The following FLNB variants were observed in gnomAD, a reference collection of about 807,000 sequenced individuals.
The protein encoded by FLNB is filamin-B.
In FLNB, 111 loss-of-function variants were observed where a neutral mutation model predicts 250.6. The ratio of observed to expected loss-of-function variants is 0.44; its 90% CI spans 0.38 to 0.52. The LOEUF (loss-of-function observed/expected upper bound fraction) is 0.52. FLNB is among the 20% of genes least tolerant of loss of function. The pLI, the probability that FLNB is intolerant of heterozygous loss-of-function variation, is 0.00. For missense variants in FLNB, 2,869 were observed against 3,447.8 expected, an observed-to-expected ratio of 0.83 and a Z score of 4.20; for synonymous variants, 1,302 against 1,372.1, an observed-to-expected ratio of 0.95 and a Z score of 1.13.
At chr3:58,067,394 T>C (rs921745672) in intron 1 of FLNB, among the ~76,000 whole-genome samples, 7 of 152,264 alleles carry the variant, frequency 4.6e-5, no homozygotes, top group Middle Eastern at 3.4e-3. Flanking sequence ...TTGTGATCTT[T>C]GAGTAGTTCA....
At chr3:58,011,899 G>A (rs115861088) in intron 1 of FLNB, among the ~76,000 whole-genome samples, 2,500 of 152,270 alleles carry the variant, frequency 0.016, 83 homozygotes, top group African/African-American at 0.057. Context: ...ATAAGGTGCT[G>A]TCTAATAATT....
At chr3:58,048,353 A>T (rs1340213963) in intron 1 of FLNB, among the ~76,000 whole-genome samples, 1 of 152,212 alleles carries the variant, frequency 6.6e-6, no homozygotes, top group Non-Finnish European at 1.5e-5. Flanking sequence ...TCTGGAGAAC[A>T]GGGTGGAGCC....
rs1006211627 is a variant in FLNB at position 58,076,245 on chromosome 3, A to G, written c.293-801A>G. Among the ~76,000 whole-genome samples the G allele has an allele frequency of 3.3e-5, 5 of 152,334 alleles. No homozygotes were observed. In the East Asian group the frequency reaches 9.6e-4, roughly 29 times the overall value. ...ACAGAAACAAACTTTTTATAGGGAA[A>G]AGATATCTAGGACATAATGATTAAT... On this transcript the variant is annotated intron_variant, in intron 1 of 45. Transcript: ENST00000295956.
At chr3:58,105,888 A>C (rs1038499788) in intron 11 of FLNB, among the ~76,000 whole-genome samples, 1 of 152,232 alleles carries the variant, frequency 6.6e-6, no homozygotes, top group Non-Finnish European at 1.5e-5. Flanking sequence ...AAAAATAAGA[A>C]ATCACATTTA....
At chr3:58,072,761 G>A (rs962749167) in intron 1 of FLNB, among the ~76,000 whole-genome samples, 11 of 152,200 alleles carry the variant, frequency 7.2e-5, no homozygotes, top group South Asian at 6.2e-4. Flanking sequence ...GGGCTTTCCC[G>A]TGTGGACACC....
At chr3:58,103,832 C>T in intron 9 of FLNB, 127 bp from the exon 10 acceptor site, 2 of 1,099,424 alleles carry the variant, frequency 1.8e-6, no homozygotes, top group Non-Finnish European at 1.4e-6. Context: ...TACTCTGGGG[C>T]AGCCCACTTG....
Position 58,146,809 on chromosome 3 carries a change from C to G in FLNB, c.5555-11C>G. The G allele has an allele frequency of 6.2e-7, 1 of 1,614,094 alleles. No individual in the cohort carries two copies. The highest frequency in any genetic ancestry group is 8.5e-7 in the Non-Finnish European group (1 of 1,179,946). On this transcript the variant is annotated splice_polypyrimidine_tract_variant and intron_variant, in intron 33 of 45. Coordinates refer to ENST00000295956, the MANE Select transcript of FLNB (RefSeq NM_001457.4). ...TCCCTAACACCCCTGCATCCCTGTT[C>G]CCACTTGTAGGTGGTCTGGACTTGG...
At chr3:58,097,125 A>G (rs2097240291) in intron 6 of FLNB, among the ~76,000 whole-genome samples, 1 of 152,174 alleles carries the variant, frequency 6.6e-6, no homozygotes, top group Non-Finnish European at 1.5e-5. Flanking sequence ...GGCCAATCCC[A>G]TCATGTACCT....
chr3:58,008,430 A>C lies in FLNB; in HGVS notation c.-135A>C. 4 of 1,081,842 alleles carry C rather than the reference A, an allele frequency of 3.7e-6. No homozygotes were observed. Among genetic ancestry groups the C allele is most frequent in the Non-Finnish European group, 5.4e-6 (4 of 741,902 alleles). 67.0% of individuals were successfully genotyped at this position (1,081,842 alleles called of 1,614,324 possible). A position where few individuals can be genotyped will look rare whatever the true frequency, so the allele number is the denominator to read the frequency against. Reference sequence around the variant, plus strand: ...CAGGGGCGGGCGGCCGCAGAGCAGCACCGGCCGTGGCTCCGGTAGCAGCAA... The same window carrying C: ...CAGGGGCGGGCGGCCGCAGAGCAGCCCCGGCCGTGGCTCCGGTAGCAGCAA... On this transcript the variant is annotated 5_prime_UTR_variant, in exon 1 of 46. Coordinates refer to ENST00000295956, the MANE Select transcript of FLNB (RefSeq NM_001457.4).
chr3:58,109,803 A>AT, intron 15 of FLNB, 104 bp downstream of exon 15: 1 of 1,503,460 alleles, frequency 6.7e-7, no homozygotes, highest in Non-Finnish European at 9.2e-7. Context: ...GTCCATCTGA[A>AT]TAGGTAATCA....
At chr3:58,071,498 C>T (rs1392879252) in intron 1 of FLNB, among the ~76,000 whole-genome samples, 2 of 151,838 alleles carry the variant, frequency 1.3e-5, no homozygotes, top group Non-Finnish European at 1.5e-5. Context: ...AGGCTGGCCT[C>T]GAACTCCTGA....
At chr3:58,150,048 G>T (rs1487072227) in intron 37 of FLNB, 46 bp downstream of exon 37, 14 of 1,614,280 alleles carry the variant, frequency 8.7e-6, no homozygotes, top group Non-Finnish European at 1.1e-5. Context: ...TGGGTTTTCT[G>T]TAAATGCTGT....
In FLNB at chr3:58,153,496, C is replaced by A; in HGVS notation, c.6489C>A (p.Gly2163=). 6.2e-7 allele frequency: 1 copy of A among 1,614,224 alleles called. No individual in the cohort carries two copies. The highest frequency in any genetic ancestry group is 8.5e-7 in the Non-Finnish European group (1 of 1,180,052). The change falls in exon 39 of 46, where the codon GGC becomes GGA. Residue 2163 remains glycine (G), a synonymous_variant. Transcript: ENST00000295956. ...HCVRFVPQEM[G]VHTVSVKYRG... Reference sequence around the variant, plus strand: ...TCCGGTTTGTGCCCCAGGAGATGGGCGTGCACACGGTCAGCGTCAAGTACC... The same window carrying A: ...TCCGGTTTGTGCCCCAGGAGATGGGAGTGCACACGGTCAGCGTCAAGTACC...
chr3:58,068,575 T>C (rs2097189380), intron 1 of FLNB, among the ~76,000 whole-genome samples: 1 of 152,124 alleles, frequency 6.6e-6, no homozygotes, highest in Non-Finnish European at 1.5e-5. Flanking sequence ...TGGTTCAGAA[T>C]GCCCTTTTGT....
At position 58,130,616 on chromosome 3, in the gene FLNB, GC is replaced by G. The variant is rs1206092916; in HGVS notation, c.4223-124del. ...GCACATGAGCAGTGCACACAGTGAG[GC>G]AGGGGGAGCTGACCGAGGCCTGCAT... On this transcript the variant is annotated intron_variant, in intron 24 of 45. Coordinates refer to ENST00000295956, the MANE Select transcript of FLNB (RefSeq NM_001457.4). 2.7e-5 allele frequency: 23 copies of G among 847,386 alleles called. No homozygotes were observed. In the African/African-American group the frequency reaches 3.7e-4, roughly 14 times the overall value. The allele number at this position is 847,386 out of a possible 1,614,324, so 52.5% of individuals were successfully genotyped here. A position where few individuals can be genotyped will look rare whatever the true frequency, so the allele number is the denominator to read the frequency against.
intron 1 of FLNB, among the ~76,000 whole-genome samples, chr3:58,043,152 T>G (rs925157470): frequency 6.8e-6 from 1 of 148,032 alleles, no homozygotes; most frequent in Non-Finnish European, 1.5e-5. Flanking sequence ...TTTTTTTTTT[T>G]TTTTTTTTTT....
At chr3:58,063,017 C>T (rs2097180699) in intron 1 of FLNB, among the ~76,000 whole-genome samples, 2 of 152,280 alleles carry the variant, frequency 1.3e-5, no homozygotes, top group East Asian at 1.9e-4. Context: ...ATCGTATCAC[C>T]GCAGCCTGAT....
chr3:58,063,449 G>A (rs75895354), intron 1 of FLNB, among the ~76,000 whole-genome samples: 4,592 of 152,228 alleles, frequency 0.03, 188 homozygotes, highest in African/African-American at 0.095. Flanking sequence ...CCAGATTTGG[G>A]GATATAAAGT....
At chr3:58,041,152 TC>T (rs1332264567) in intron 1 of FLNB, among the ~76,000 whole-genome samples, 1 of 152,166 alleles carries the variant, frequency 6.6e-6, no homozygotes, top group Non-Finnish European at 1.5e-5. Flanking sequence ...CAGCAGCAGA[TC>T]TGGGGAACTC....
Sources: allele counts gnomAD v4.1 joint callset (sites outside exome capture counted in the v4.1 genomes callset), GRCh38; gene constraint gnomAD v4.1.1; transcripts MANE v1.5; gene names NCBI Gene and HGNC (gene_info 2026-07-23, HGNC 2026-07-21).